Variants in PLEKHA5 observed in about 807,000 individuals in gnomAD.
The protein encoded by PLEKHA5 is pleckstrin homology domain-containing family A member 5.
A neutral mutation model predicts 181.9 loss-of-function variants in PLEKHA5; 55 were observed. The observed-to-expected ratio is 0.30, with a 90% CI of 0.24 to 0.38. PLEKHA5 has a LOEUF of 0.38. PLEKHA5 is among the 10% of genes least tolerant of loss of function. The probability of loss-of-function intolerance (pLI) is 1.00; values close to 1 mark genes in which losing one functional copy is unlikely to be tolerated. For missense variants in PLEKHA5, 1,432 were observed against 1,549.5 expected (o/e 0.92, Z 1.27); for synonymous variants, 535 against 529.4 (o/e 1.01, Z -0.15).
At position 19,265,841 on chromosome 12, in the gene PLEKHA5, T is replaced by C. The variant is rs544392882; in HGVS notation, c.702T>C (p.Tyr234=). The C allele has an allele frequency of 1.3e-6, 2 of 1,579,328 alleles. No homozygotes were observed. Among genetic ancestry groups the C allele is most frequent in the South Asian group, 1.1e-5 (1 of 89,120 alleles). ...LTSEDHINRK[Y]AFKAAHPNMR... is the part of the protein sequence containing the mutation. Reference sequence around the variant, plus strand: ...CTGAAGATCACATTAATCGCAAATATGCTTTTAAGGTAAGGAAATAATGCA... The same window carrying C: ...CTGAAGATCACATTAATCGCAAATACGCTTTTAAGGTAAGGAAATAATGCA... The change falls in exon 8 of 32, where the codon TAT becomes TAC. Residue 234 remains tyrosine (Y), a synonymous_variant. Transcript: ENST00000429027.
chr12:19,359,650 T>A, intron 28 of PLEKHA5, 104 bp downstream of exon 28: 1 of 1,132,082 alleles, frequency 8.8e-7, no homozygotes, highest in Non-Finnish European at 1.3e-6. Flanking sequence ...AGTCACAGAG[T>A]CCATAGAGCT....
At chr12:19,334,988 A>C (rs2093295782) in intron 20 of PLEKHA5, among the ~76,000 whole-genome samples, 1 of 137,660 alleles carries the variant, frequency 7.3e-6, no homozygotes, top group South Asian at 2.3e-4. Context: ...TTTATGAAAA[A>C]AAAAAAAAAA....
intron 15 of PLEKHA5, among the ~76,000 whole-genome samples, chr12:19,301,172 T>C (rs2081383067): frequency 6.6e-6 from 1 of 152,002 alleles, no homozygotes; most frequent in Non-Finnish European, 1.5e-5. Flanking sequence ...AAAATTCAAG[T>C]ATATTTTAGA....
intron 3 of PLEKHA5, among the ~76,000 whole-genome samples, chr12:19,242,085 G>A (rs2062730973): frequency 6.6e-6 from 1 of 152,110 alleles, no homozygotes; most frequent in Non-Finnish European, 1.5e-5. Flanking sequence ...TTTATCAAGT[G>A]ATCTAAAATG....
At position 19,274,876 on chromosome 12, in the gene PLEKHA5, C is replaced by T; in HGVS notation, c.1206C>T (p.Pro402=). The T allele has an allele frequency of 1.2e-6, 2 of 1,613,854 alleles. No individual in the cohort carries two copies. Among genetic ancestry groups the T allele is most frequent in the South Asian group, 2.2e-5 (2 of 91,058 alleles). ...LRGGNRPNTG[P]LYTEADRVIQ... ...GTGGAAATCGCCCCAATACAGGGCC[C>T]TTATACACAGAGGCCGATCGAGTCA... Residue 402 remains proline, a synonymous_variant, in exon 11 of 32, where the codon CCC becomes CCT. Transcript: ENST00000429027.
chr12:19,154,219 T>C (rs2041139657), intron 3 of PLEKHA5: 1 of 152,162 alleles, frequency 6.6e-6, no homozygotes, highest in South Asian at 2.1e-4. Context: ...TAATTTTTTT[T>C]CACCCTTTTA....
intron 8 of PLEKHA5, among the ~76,000 whole-genome samples, chr12:19,267,551 T>C (rs1036384623): frequency 6.6e-6 from 1 of 152,088 alleles, no homozygotes; most frequent in Non-Finnish European, 1.5e-5. Flanking sequence ...TCCTTGCTAC[T>C]GGGGAGGCTG....
At position 19,130,386 on chromosome 12, in the gene PLEKHA5, C is replaced by T. The variant is rs185655437; in HGVS notation, c.169+256C>T. 6.6e-6 allele frequency among the ~76,000 whole-genome samples: 1 copy of T among 152,044 alleles called. No homozygotes were observed. The highest frequency in any genetic ancestry group is 1.5e-5 in the Non-Finnish European group (1 of 67,950). On this transcript the variant is annotated intron_variant, in intron 2 of 31. Transcript: ENST00000429027. This position sits in a 1 kb window ranked among gnomAD's most constrained non-coding sequence, Gnocchi z 4.5. ...ACGGCGCCCTCTTCCTGCGCCTTCT[C>T]CCCCCATCCCAGCCTAGACGACCCT...
intron 3 of PLEKHA5, among the ~76,000 whole-genome samples, chr12:19,140,314 A>T (rs2036886988): frequency 6.6e-6 from 1 of 152,240 alleles, no homozygotes; most frequent in Non-Finnish European, 1.5e-5. Flanking sequence ...TGAAGTCTGT[A>T]CTATCGTGAT....
intron 26 of PLEKHA5, among the ~76,000 whole-genome samples, chr12:19,356,562 A>T (rs1242415707): frequency 1.3e-5 from 2 of 151,970 alleles, no homozygotes; most frequent in Admixed American, 1.3e-4. Flanking sequence ...TATAAGGGAA[A>T]ATATATTTTA....
intron 30 of PLEKHA5, 94 bp downstream of exon 30, chr12:19,366,203 T>A: frequency 9.6e-7 from 1 of 1,043,352 alleles, no homozygotes; most frequent in Non-Finnish European, 1.4e-6. Context: ...GGGAATCGCT[T>A]AAGTACCTTG....
intron 15 of PLEKHA5, among the ~76,000 whole-genome samples, chr12:19,313,004 C>T (rs1390688015): frequency 6.6e-6 from 1 of 152,022 alleles, no homozygotes; most frequent in East Asian, 1.9e-4. Flanking sequence ...TGTTGTGTCT[C>T]GAGGAATAGG....
intron 31 of PLEKHA5, chr12:19,373,052 G>GCCA: frequency 6.6e-6 from 1 of 152,202 alleles, no homozygotes; most frequent in East Asian, 1.9e-4. Flanking sequence ...ACAAGATTGA[G>GCCA]CCATCACGCC....
intron 21 of PLEKHA5, among the ~76,000 whole-genome samples, chr12:19,342,857 T>G (rs985675148): frequency 3.0e-4 from 46 of 152,170 alleles, no homozygotes; most frequent in African/African-American, 1.1e-3. Flanking sequence ...GTTGTACCTT[T>G]GTTGTTGTTT....
intron 3 of PLEKHA5, among the ~76,000 whole-genome samples, chr12:19,199,797 A>T (rs2053761507): frequency 6.6e-6 from 1 of 152,112 alleles, no homozygotes; most frequent in Admixed American, 6.6e-5. Flanking sequence ...GAAATCTCAA[A>T]CTTTTTGAAA....
intron 3 of PLEKHA5, among the ~76,000 whole-genome samples, chr12:19,135,584 T>C (rs551301096): frequency 6.6e-6 from 1 of 152,304 alleles, no homozygotes; most frequent in African/African-American, 2.4e-5. Flanking sequence ...ATAAGTATGA[T>C]GTATGTAGTG....
At chr12:19,259,347 A>G (rs1000358474) in intron 6 of PLEKHA5, among the ~76,000 whole-genome samples, 1 of 152,068 alleles carries the variant, frequency 6.6e-6, no homozygotes, top group Non-Finnish European at 1.5e-5. Flanking sequence ...AGCCTGGGTG[A>G]CAGAGCAAGA....
chr12:19,263,034 T>G (rs1339158604), intron 7 of PLEKHA5, among the ~76,000 whole-genome samples: 1 of 152,240 alleles, frequency 6.6e-6, no homozygotes, highest in East Asian at 1.9e-4. Context: ...GAAATATCAT[T>G]TAACTCATTT....
Position 19,132,423 on chromosome 12 carries a change from C to T in PLEKHA5, c.200C>T (p.Thr67Ile). The change falls in exon 3 of 32, where the codon ACT becomes ATT. Residue 67 changes from threonine to isoleucine, a missense_variant. This residue lies in a region of PLEKHA5 where 289 missense variants were observed against 381.1 expected (regional missense o/e 0.76). Coordinates refer to ENST00000429027, the MANE Select transcript of PLEKHA5 (RefSeq NM_001256470.2). The stretch of plus-strand genomic sequence containing the variant: ...CCTACTGGCTGGGAAGAAGCATATA[C>T]TTTTGAAGGTGCAAGATACTATATA... ...DLPTGWEEAY[T>I]FEGARYYINH... The T allele has an allele frequency of 6.4e-7, 1 of 1,558,820 alleles. No individual in the cohort carries two copies. Among genetic ancestry groups the T allele is most frequent in the Non-Finnish European group, 8.8e-7 (1 of 1,141,262 alleles).
Sources: allele counts gnomAD v4.1 joint callset (sites outside exome capture counted in the v4.1 genomes callset), GRCh38; gene constraint gnomAD v4.1.1; regional missense constraint gnomAD v4.1.1; non-coding constraint Gnocchi (gnomAD v3.1); transcripts MANE v1.5; gene names NCBI Gene and HGNC (gene_info 2026-07-23, HGNC 2026-07-21).